CES5A: variants seen among roughly 807,000 people sequenced by gnomAD.
CES5A encodes the protein carboxylesterase 5A, also known as carboxylesterase 5.
Under a neutral mutation model 62.9 loss-of-function variants are expected in CES5A, and 67 were observed. That is an observed-to-expected ratio of 1.07 (90% confidence interval 0.88 to 1.31). CES5A has a LOEUF of 1.31. Ranked by LOEUF, CES5A falls within the 50% of genes most tolerant of loss-of-function variation. The pLI is 0.00. For synonymous variants in CES5A, 296 were observed against 280.8 expected (o/e 1.05, Z -0.54); for missense variants, 748 against 708.5 (o/e 1.06, Z -0.63).
At chr16:55,947,319 G>A (rs1351278745) in intron 2 of CES5A, among the ~76,000 whole-genome samples, 2 of 152,144 alleles carry the variant, frequency 1.3e-5, no homozygotes, top group African/African-American at 4.8e-5. Context: ...GGGGCTTATG[G>A]AAGGTCATTA....
Position 55,871,748 on chromosome 16 carries a change from T to A in CES5A, c.294A>T (p.Ser98=), listed in dbSNP as rs147327784. 1,582 of 1,614,112 alleles carry A rather than the reference T, an allele frequency of 9.8e-4. 17 individuals carry two copies. In the South Asian group the frequency reaches 0.012, roughly 12 times the overall value. ...TATGTTGATCTAAGAGCAGCCACTCTGAGTTCTGGAGGCACCTTGGAGAAG... is the reference window on the plus strand; with the variant it reads ...TATGTTGATCTAAGAGCAGCCACTCAGAGTTCTGGAGGCACCTTGGAGAAG... The part of the protein sequence containing the change: ...TSYPNLCLQN[S]EWLLLDQHML... Residue 98 remains serine (S), a synonymous_variant, in exon 3 of 13, where the codon TCA becomes TCT. Transcript: ENST00000290567.
At chr16:55,883,483 C>A (rs1301913183) in intron 1 of CES5A, among the ~76,000 whole-genome samples, 1 of 152,138 alleles carries the variant, frequency 6.6e-6, no homozygotes, top group Non-Finnish European at 1.5e-5. Flanking sequence ...CCATGTTGGC[C>A]AGGATGGTCT....
At chr16:55,936,468 C>A (rs994411326) in intron 2 of CES5A, among the ~76,000 whole-genome samples, 2 of 152,208 alleles carry the variant, frequency 1.3e-5, no homozygotes, top group Admixed American at 1.3e-4. Flanking sequence ...CATCTACATG[C>A]TGCAAAGTGG....
intron 1 of CES5A, among the ~76,000 whole-genome samples, chr16:55,950,205 T>C (rs1478158444): frequency 6.6e-6 from 1 of 152,030 alleles, no homozygotes; most frequent in Admixed American, 6.6e-5. Context: ...CACCCAAGGA[T>C]GATTGACAGG....
chr16:55,884,623 G>A (rs1350474626), intron 1 of CES5A, among the ~76,000 whole-genome samples: 4 of 151,720 alleles, frequency 2.6e-5, no homozygotes, highest in African/African-American at 4.8e-5. Flanking sequence ...ACAGGGTCTC[G>A]CTGTGTTGCC....
At chr16:55,941,851 C>A (rs1301902531) in intron 2 of CES5A, among the ~76,000 whole-genome samples, 1 of 152,040 alleles carries the variant, frequency 6.6e-6, no homozygotes, top group Non-Finnish European at 1.5e-5. Flanking sequence ...CAAACCTATA[C>A]CTGAGTTAAA....
chr16:55,949,386 A>T (rs1318267097), intron 2 of CES5A, among the ~76,000 whole-genome samples: 1 of 152,208 alleles, frequency 6.6e-6, no homozygotes, highest in Non-Finnish European at 1.5e-5. Flanking sequence ...CCATTCTTTT[A>T]TCTGAGGCAA....
intron 10 of CES5A, among the ~76,000 whole-genome samples, chr16:55,850,035 G>A (rs2033099097): frequency 6.6e-6 from 1 of 152,204 alleles, no homozygotes; most frequent in African/African-American, 2.4e-5. Flanking sequence ...GATCTACTTT[G>A]TTGGGACTTT....
rs1211654362 is a variant in CES5A at position 55,871,691 on chromosome 16, C to T, written c.351G>A (p.Val117=). ...MLKVHYPKFG[V]SEDCLYLNIY... is the part of the protein sequence containing the mutation. ...TGTTCAGGTAGAGGCAGTCTTCTGA[C>T]ACTCCGAATTTCGGGTAATGCACCT... Residue 117 remains valine, a synonymous_variant, in exon 3 of 13, where the codon GTG becomes GTA. Transcript: ENST00000290567. 2 of 1,614,176 alleles carry T rather than the reference C, an allele frequency of 1.2e-6. No homozygotes were observed. Among genetic ancestry groups the T allele is most frequent in the South Asian group, 2.2e-5 (2 of 91,082 alleles).
chr16:55,869,978 C>T (rs568170602), intron 3 of CES5A, among the ~76,000 whole-genome samples: 21 of 152,336 alleles, frequency 1.4e-4, no homozygotes, highest in African/African-American at 4.8e-4. Context: ...GGAAAGATTA[C>T]TTAGCCTAAG....
chr16:55,920,106 G>A (rs1360053778), intron 1 of CES5A, among the ~76,000 whole-genome samples: 1 of 152,116 alleles, frequency 6.6e-6, no homozygotes, highest in Non-Finnish European at 1.5e-5. Context: ...AGCAGTCAAA[G>A]ATGAGGATGA....
chr16:55,954,787 C>A (rs2034592102), intron 1 of CES5A, among the ~76,000 whole-genome samples: 1 of 152,114 alleles, frequency 6.6e-6, no homozygotes, highest in Non-Finnish European at 1.5e-5. Context: ...ACATACAATC[C>A]CTTCCAGGAA....
chr16:55,861,873 C>G (rs760092087), intron 6 of CES5A, among the ~76,000 whole-genome samples: 31 of 152,138 alleles, frequency 2.0e-4, no homozygotes, highest in Non-Finnish European at 3.2e-4. Context: ...TCTAGAAGCC[C>G]AACCTTGAGG....
chr16:55,940,144 G>T (rs991787995), intron 2 of CES5A, among the ~76,000 whole-genome samples: 1 of 151,858 alleles, frequency 6.6e-6, no homozygotes, highest in Non-Finnish European at 1.5e-5. Flanking sequence ...AGAAAAAGAA[G>T]AGTAAAACAA....
chr16:55,848,554 G>C (rs1457654081), intron 11 of CES5A, among the ~76,000 whole-genome samples: 1 of 152,048 alleles, frequency 6.6e-6, no homozygotes, highest in Non-Finnish European at 1.5e-5. Flanking sequence ...TGCTAAGGAT[G>C]GTCTGCAGTT....
intron 3 of CES5A, among the ~76,000 whole-genome samples, chr16:55,871,070 G>A (rs1288744143): frequency 6.6e-6 from 1 of 152,212 alleles, no homozygotes; most frequent in African/African-American, 2.4e-5. Context: ...CTGGCACACA[G>A]CAAGCATTTA....
chr16:55,895,621 T>TTTTG lies in CES5A; in HGVS notation c.-255-21588_-255-21585dup, dbSNP rs200999420. Among the ~76,000 whole-genome samples, 4 of 152,340 alleles carry TTTTG rather than the reference T, an allele frequency of 2.6e-5. No homozygotes were observed. The East Asian group carries it at 5.8e-4, about 22-fold the overall frequency. ...TTGGAAGCAAATAACCTGTTGCTTT[T>TTTTG]TTTGTTTGTTTGTTATTTTACAAGC... On this transcript the variant is annotated intron_variant, in intron 1 of 12. Transcript: ENST00000518005.
intron 2 of CES5A, among the ~76,000 whole-genome samples, chr16:55,938,682 GC>G (rs778205476): frequency 1.5e-5 from 2 of 129,838 alleles, no homozygotes; most frequent in Admixed American, 1.7e-4. Context: ...CTTGCAGTGA[GC>G]CAAGACCATG....
At chr16:55,875,959 T>G (rs117403885), upstream of CES5A, among the ~76,000 whole-genome samples, 6,082 of 152,322 alleles carry the variant, frequency 0.04, 168 homozygotes, top group Non-Finnish European at 0.059. Flanking sequence ...ACCCCCATTT[T>G]GGATGTCTTT....
Sources: allele counts gnomAD v4.1 joint callset (sites outside exome capture counted in the v4.1 genomes callset), GRCh38; gene constraint gnomAD v4.1.1; transcripts MANE v1.5; gene names NCBI Gene and HGNC (gene_info 2026-07-23, HGNC 2026-07-21).